The following GABRB3 variants were observed in gnomAD, a reference collection of about 807,000 sequenced individuals.
The protein encoded by GABRB3 is gamma-aminobutyric acid type A receptor subunit beta3, also known as gamma-aminobutyric acid receptor subunit beta-3.
Under a neutral mutation model 52.1 loss-of-function variants are expected in GABRB3, and 14 were observed. That is an observed-to-expected ratio of 0.27 (90% CI 0.18 to 0.42). GABRB3 has a LOEUF of 0.42. Ranked by LOEUF, GABRB3 falls within the 10% of genes least tolerant of loss-of-function variation. The pLI is 1.00. For synonymous variants in GABRB3, 260 were observed against 232.3 expected (o/e 1.12, Z -1.08); for missense variants, 307 against 609.1 (o/e 0.50, Z 5.22).
intron 5 of GABRB3, among the ~76,000 whole-genome samples, chr15:26,582,678 A>C (rs1231176247): frequency 6.6e-6 from 1 of 152,216 alleles, no homozygotes; most frequent in Non-Finnish European, 1.5e-5. Context: ...GCAAAGTCAA[A>C]GTCATTTATC....
At chr15:26,639,004 C>T (rs1049107656) in intron 3 of GABRB3, among the ~76,000 whole-genome samples, 3 of 152,014 alleles carry the variant, frequency 2.0e-5, no homozygotes, top group African/African-American at 7.2e-5. Context: ...TGCTGCAAAC[C>T]GTTTCAAGAG....
chr15:26,664,083 A>G (rs1057251467), intron 3 of GABRB3, among the ~76,000 whole-genome samples: 1 of 152,124 alleles, frequency 6.6e-6, no homozygotes, highest in Non-Finnish European at 1.5e-5. Flanking sequence ...GTCTCACTTT[A>G]TTGCCCAGGT....
At chr15:26,569,355 T>TTG (rs1220039976) in intron 6 of GABRB3, 1 of 152,236 alleles carries the variant, frequency 6.6e-6, no homozygotes, top group African/African-American at 2.4e-5. Flanking sequence ...CCTCCAGTCT[T>TTG]TGTGTGTGTC....
chr15:26,545,182 ATATG>A lies in GABRB3; in HGVS notation c.*2607_*2610del, dbSNP rs1265916870. 5 of 143,314 alleles carry A rather than the reference ATATG, an allele frequency of 3.5e-5. No individual in the cohort carries two copies. The highest frequency in any genetic ancestry group is 6.1e-5 in the Non-Finnish European group (4 of 66,082). The allele number at this position is 143,314 out of a possible 1,614,324, so 8.9% of individuals were successfully genotyped here. ...AAGTTTTTTTTTGTTTTTACAGAAT[ATATG>A]TATGTATTTGTGTGTGTGTGTGTGT... On this transcript the variant is annotated 3_prime_UTR_variant, in exon 9 of 9. Transcript: ENST00000311550.
At chr15:26,718,213 T>TG (rs1889548581) in intron 3 of GABRB3, among the ~76,000 whole-genome samples, 1 of 152,094 alleles carries the variant, frequency 6.6e-6, no homozygotes, top group African/African-American at 2.4e-5. Context: ...TTTATTTATT[T>TG]ATTTATTTTT....
intron 3 of GABRB3, among the ~76,000 whole-genome samples, chr15:26,671,939 C>T (rs1887912037): frequency 1.3e-5 from 2 of 152,142 alleles, no homozygotes; most frequent in South Asian, 4.1e-4. Context: ...GTCATTTTCA[C>T]ATCTATAAGT....
intron 3 of GABRB3, among the ~76,000 whole-genome samples, chr15:26,747,742 G>C (rs1022642561): frequency 6.6e-6 from 1 of 152,096 alleles, no homozygotes; most frequent in African/African-American, 2.4e-5. Flanking sequence ...AAATAAGATA[G>C]GTGAAAGTGG....
chr15:26,697,838 T>C (rs1303418426), intron 3 of GABRB3, among the ~76,000 whole-genome samples: 2 of 152,210 alleles, frequency 1.3e-5, no homozygotes, highest in Non-Finnish European at 2.9e-5. Flanking sequence ...AACCACGCTG[T>C]GCTCTCATTT....
chr15:26,735,026 A>G (rs921980196), intron 3 of GABRB3, among the ~76,000 whole-genome samples: 9 of 152,230 alleles, frequency 5.9e-5, no homozygotes, highest in Admixed American at 1.3e-4. Flanking sequence ...GAATATATAG[A>G]AAACTCCTAC....
At chr15:26,681,033 C>G (rs1042492642) in intron 3 of GABRB3, among the ~76,000 whole-genome samples, 16 of 152,172 alleles carry the variant, frequency 1.1e-4, no homozygotes, top group African/African-American at 3.9e-4. Context: ...CATTCTAATC[C>G]TTGTTTTCCT....
chr15:26,684,149 TG>T (rs1306075128), intron 3 of GABRB3, among the ~76,000 whole-genome samples: 1 of 151,892 alleles, frequency 6.6e-6, no homozygotes, highest in Non-Finnish European at 1.5e-5. Flanking sequence ...ACCTAGGAAG[TG>T]GGGGTGAGGA....
chr15:26,627,911 G>C (rs539631534), intron 3 of GABRB3, among the ~76,000 whole-genome samples: 1 of 152,210 alleles, frequency 6.6e-6, no homozygotes, highest in Non-Finnish European at 1.5e-5. Context: ...CAATGCTACA[G>C]AGAAATCTTT....
intron 3 of GABRB3, among the ~76,000 whole-genome samples, chr15:26,649,722 G>C (rs1237610348): frequency 6.7e-6 from 1 of 148,654 alleles, no homozygotes; most frequent in Non-Finnish European, 1.5e-5. Flanking sequence ...GGGAGAGAGA[G>C]AGAAGATAAG....
intron 4 of GABRB3, among the ~76,000 whole-genome samples, chr15:26,619,104 C>G (rs1199258026): frequency 2.6e-5 from 4 of 151,912 alleles, no homozygotes; most frequent in African/African-American, 4.8e-5. Flanking sequence ...GTGGAAGTCA[C>G]TGTGGAGATT....
Position 26,547,852 on chromosome 15 carries a change from C to A in GABRB3, c.1363G>T (p.Val455Leu). The change falls in exon 9 of 9, where the codon GTG becomes TTG. Residue 455 changes from valine (V) to leucine (L), a missense_variant. Val to Leu is a conservative substitution (Grantham distance 32, BLOSUM62 1). This residue lies in a region of GABRB3 where 115 missense variants were observed against 166.9 expected (regional missense o/e 0.69). Coordinates refer to ENST00000311550, the MANE Select transcript of GABRB3 (RefSeq NM_000814.6). Reference protein sequence around the residue: ...VNAIDRWSRIVFPFTFSLFNL... With the variant: ...VNAIDRWSRILFPFTFSLFNL... ...AAAAGAGAAAAAGTGAATGGAAACA[C>A]GATCCTGGACCATCTGTCTATGGCA... 1 of 1,614,064 alleles carries A rather than the reference C, an allele frequency of 6.2e-7. No individual in the cohort carries two copies. Among genetic ancestry groups the A allele is most frequent in the Non-Finnish European group, 8.5e-7 (1 of 1,180,016 alleles).
chr15:26,662,432 G>A (rs550274338), intron 3 of GABRB3, among the ~76,000 whole-genome samples: 5 of 152,184 alleles, frequency 3.3e-5, no homozygotes, highest in South Asian at 2.1e-4. Flanking sequence ...ACTGGATTAC[G>A]CTGCCCAGTT....
At chr15:26,685,948 G>A (rs931382691) in intron 3 of GABRB3, among the ~76,000 whole-genome samples, 4 of 152,052 alleles carry the variant, frequency 2.6e-5, no homozygotes, top group Non-Finnish European at 4.4e-5. Context: ...AGGATAAAAG[G>A]TGTTCACCAC....
intron 3 of GABRB3, among the ~76,000 whole-genome samples, chr15:26,741,042 ATAAGTGTGTGTGTG>A (rs746619489): frequency 0.069 from 9,518 of 138,304 alleles, 397 homozygotes; most frequent in Middle Eastern, 0.12. Flanking sequence ...CGAGGGAGGA[ATAAGTGTGTGTGTG>A]TGTGTGTGTG....
intron 3 of GABRB3, among the ~76,000 whole-genome samples, chr15:26,702,125 A>G (rs1888956334): frequency 6.6e-6 from 1 of 152,182 alleles, no homozygotes; most frequent in Non-Finnish European, 1.5e-5. Flanking sequence ...TGTAAAACCT[A>G]AAACTATAAA....
Sources: gnomAD v4.1 joint callset for allele counts (sites outside exome capture counted in the v4.1 genomes callset) on GRCh38, gnomAD v4.1.1 for gene constraint, gnomAD v4.1.1 regional missense constraint, MANE v1.5 for transcripts, NCBI Gene and HGNC (gene_info 2026-07-23, HGNC 2026-07-21) for gene names.